The following OVOL2 variants were observed in gnomAD, a reference collection of about 807,000 sequenced individuals.
The protein encoded by OVOL2 is ovo like zinc finger 2.
A neutral mutation model predicts 18.1 loss-of-function variants in OVOL2; 13 were observed. The observed-to-expected ratio is 0.72, with a 90% CI of 0.47 to 1.14. The LOEUF is 1.14. Ranked by LOEUF, OVOL2 falls within the 50% of genes most tolerant of loss-of-function variation. The probability of loss-of-function intolerance (pLI) is 0.00; values close to 1 mark genes in which losing one functional copy is unlikely to be tolerated. For synonymous variants in OVOL2, 166 were observed against 162.7 expected (o/e 1.02, Z -0.16); for missense variants, 335 against 383.0 (o/e 0.87, Z 1.05).
In OVOL2 at chr20:18,056,665, T is replaced by C; in HGVS notation, c.313A>G (p.Lys105Glu). 4 of 1,427,986 alleles carry C rather than the reference T, an allele frequency of 2.8e-6. No individual in the cohort carries two copies. Among genetic ancestry groups the C allele is most frequent in the Non-Finnish European group, 3.7e-6 (4 of 1,094,334 alleles). 88.5% of individuals were successfully genotyped at this position (1,427,986 alleles called of 1,614,324 possible). ...ATKQRPVARS[K>E]IKFTTGTCSD... Reference sequence around the variant, plus strand: ...CAGAGTCGACACAGTACCTTGATTTTCGATCTGGCGACCGGGCGCTGCTTG... The same window carrying C: ...CAGAGTCGACACAGTACCTTGATTTCCGATCTGGCGACCGGGCGCTGCTTG... The change falls in exon 2 of 4, where the codon AAA becomes GAA. Residue 105 changes from lysine to glutamate, a missense_variant. Lys to Glu is a moderately conservative substitution (Grantham distance 56). Coordinates refer to ENST00000278780, the MANE Select transcript of OVOL2 (RefSeq NM_021220.4). This position sits in a 1 kb window ranked among gnomAD's most constrained non-coding sequence, Gnocchi z 4.2.
At chr20:18,058,725 G>C (rs182745682), upstream of OVOL2, among the ~76,000 whole-genome samples, 690 of 152,338 alleles carry the variant, frequency 4.5e-3, 18 homozygotes, top group Non-Finnish European at 3.6e-3. Flanking sequence ...CTAGCATAGT[G>C]AACATTGGCT....
Position 18,057,608 on chromosome 20 carries a change from C to T in OVOL2, c.27G>A (p.Arg9=). 2 of 1,593,514 alleles carry T rather than the reference C, an allele frequency of 1.3e-6. No homozygotes were observed. Among genetic ancestry groups the T allele is most frequent in the South Asian group, 1.1e-5 (1 of 88,012 alleles). ...TGCGGACCGAGACCCCCAGGCTCCT[C>T]CTCTTCACCAGGAAGACTTTGGGCA... is the stretch of plus-strand genomic sequence containing the variant. MPKVFLVK[R]RSLGVSVRSW... Residue 9 remains arginine, a synonymous_variant, in exon 1 of 4, where the codon AGG becomes AGA. Coordinates refer to ENST00000278780, the MANE Select transcript of OVOL2 (RefSeq NM_021220.4). This position sits in a 1 kb window ranked among gnomAD's most constrained non-coding sequence, Gnocchi z 6.3.
intron 3 of OVOL2, among the ~76,000 whole-genome samples, chr20:18,030,512 C>T (rs1381827473): frequency 2.0e-5 from 3 of 152,180 alleles, no homozygotes; most frequent in Non-Finnish European, 2.9e-5. Context: ...CCACTCAGCC[C>T]CATGTGCACA....
chr20:18,042,731 G>A (rs12625353), intron 2 of OVOL2, among the ~76,000 whole-genome samples: 10,916 of 133,222 alleles, frequency 0.082, 989 homozygotes, highest in African/African-American at 0.24. Context: ...AGCCAAGATC[G>A]GGCTATTGCA....
At chr20:18,031,149 C>T (rs1427774078) in intron 3 of OVOL2, among the ~76,000 whole-genome samples, 2 of 152,226 alleles carry the variant, frequency 1.3e-5, no homozygotes, top group African/African-American at 4.8e-5. Flanking sequence ...CTGACACCCA[C>T]ACGACTGTGA....
At chr20:18,050,281 G>A (rs1227249584) in intron 2 of OVOL2, among the ~76,000 whole-genome samples, 3 of 152,216 alleles carry the variant, frequency 2.0e-5, no homozygotes, top group Middle Eastern at 3.4e-3. Context: ...ATTCAGCCCC[G>A]AGTTAACTGG....
At chr20:18,058,440 AT>A (rs1251544102), upstream of OVOL2, among the ~76,000 whole-genome samples, 3 of 149,104 alleles carry the variant, frequency 2.0e-5, no homozygotes, top group Admixed American at 6.6e-5. Context: ...AAATTTAAAA[AT>A]TCGGCATCTT....
chr20:18,041,617 T>C lies in OVOL2; in HGVS notation c.428A>G (p.Gln143Arg), dbSNP rs1196471606. The C allele has an allele frequency of 8.7e-6, 14 of 1,614,092 alleles. No homozygotes were observed. Among genetic ancestry groups the C allele is most frequent in the Middle Eastern group, 1.6e-4 (1 of 6,084 alleles). Residue 143 changes from glutamine (Q) to arginine (R), a missense_variant, in exon 3 of 4, where the codon CAG becomes CGG. Gln to Arg is a conservative substitution (Grantham distance 43, BLOSUM62 1). Transcript: ENST00000278780. Reference protein sequence around the residue: ...MLNRHLKCHNQVKRHLCTFCG... With the variant: ...MLNRHLKCHNRVKRHLCTFCG... ...GAAGGTGCACAGGTGTCTTTTCACC[T>C]GGTTGTGGCACTTGAGGTGACGGTT... is the stretch of plus-strand genomic sequence containing the variant.
Position 18,057,594 on chromosome 20 carries a change from A to T in OVOL2, c.41T>A (p.Val14Asp), listed in dbSNP as rs763451864. 1 of 1,596,324 alleles carries T rather than the reference A, an allele frequency of 6.3e-7. No homozygotes were observed. The highest frequency in any genetic ancestry group is 1.1e-5 in the South Asian group (1 of 88,428). The change falls in exon 1 of 4, where the codon GTC (valine) becomes GAC (aspartate). Residue 14 changes from valine (V) to aspartate (D), a missense_variant. Transcript: ENST00000278780. This position sits in a 1 kb window ranked among gnomAD's most constrained non-coding sequence, Gnocchi z 6.3. ...VFLVKRRSLG[V>D]SVRSWDELPD... Reference sequence around the variant, plus strand: ...GAGCTCATCCCAGCTGCGGACCGAGACCCCCAGGCTCCTCCTCTTCACCAG... The same window carrying T: ...GAGCTCATCCCAGCTGCGGACCGAGTCCCCCAGGCTCCTCCTCTTCACCAG...
chr20:18,050,966 GACAAAAAA>G (rs1220559038), intron 2 of OVOL2, among the ~76,000 whole-genome samples: 1 of 152,046 alleles, frequency 6.6e-6, no homozygotes, highest in African/African-American at 2.4e-5. Flanking sequence ...TGTCTTGGGA[GACAAAAAA>G]ACAAGAGGAA....
At chr20:18,037,364 G>A (rs138418598) in intron 3 of OVOL2, among the ~76,000 whole-genome samples, 12 of 152,330 alleles carry the variant, frequency 7.9e-5, no homozygotes, top group African/African-American at 2.6e-4. Context: ...AAAAGGTGGA[G>A]AACAACAGCA....
At chr20:18,059,043 C>A (rs41276412), upstream of OVOL2, 1 of 152,368 alleles carries the variant, frequency 6.6e-6, no homozygotes, top group South Asian at 2.1e-4. Flanking sequence ...GTCAGGGATG[C>A]CCTGGAGCCC....
chr20:18,054,783 G>GAAAAAAAGA (rs796465834), intron 2 of OVOL2, among the ~76,000 whole-genome samples: 2 of 111,196 alleles, frequency 1.8e-5, no homozygotes, highest in African/African-American at 6.9e-5. Context: ...AAAAAAAAAA[G>GAAAAAAAGA]AAAGAAAAGA....
chr20:18,050,065 A>G (rs2122721728), intron 2 of OVOL2, among the ~76,000 whole-genome samples: 1 of 152,300 alleles, frequency 6.6e-6, no homozygotes, highest in Non-Finnish European at 1.5e-5. Flanking sequence ...CCCTGAAAGT[A>G]AGGAGATTTG....
chr20:18,042,441 G>A (rs118012844), intron 2 of OVOL2, among the ~76,000 whole-genome samples: 149 of 152,118 alleles, frequency 9.8e-4, no homozygotes, highest in South Asian at 2.1e-3. Context: ...AGTAAAGAGC[G>A]AGTTCTTACT....
chr20:18,037,551 G>A (rs2036627355), intron 3 of OVOL2, among the ~76,000 whole-genome samples: 1 of 152,220 alleles, frequency 6.6e-6, no homozygotes, highest in Non-Finnish European at 1.5e-5. Context: ...CAGGGCGGAT[G>A]CCCCACTCAT....
At chr20:18,027,785 C>G (rs6045144) in intron 3 of OVOL2, among the ~76,000 whole-genome samples, 19 of 151,544 alleles carry the variant, frequency 1.3e-4, no homozygotes, top group Non-Finnish European at 2.7e-4. Context: ...TTAGTAGAGA[C>G]GGGGTTTCAC....
chr20:18,029,092 T>C (rs912663859), intron 3 of OVOL2, among the ~76,000 whole-genome samples: 1 of 152,140 alleles, frequency 6.6e-6, no homozygotes, highest in African/African-American at 2.4e-5. Flanking sequence ...AGTGGCACAA[T>C]GTCGGCTCAC....
intron 3 of OVOL2, among the ~76,000 whole-genome samples, chr20:18,037,053 G>A (rs1463472991): frequency 5.3e-5 from 8 of 150,758 alleles, no homozygotes; most frequent in African/African-American, 1.5e-4. Context: ...GGAGACTGGC[G>A]TGAACCTGGG....
Sources: allele counts gnomAD v4.1 joint callset (sites outside exome capture counted in the v4.1 genomes callset), GRCh38; gene constraint gnomAD v4.1.1; non-coding constraint Gnocchi (gnomAD v3.1); transcripts MANE v1.5; gene names NCBI Gene and HGNC (gene_info 2026-07-23, HGNC 2026-07-21).